The following SLC39A12 variants were observed in gnomAD, a reference collection of about 807,000 sequenced individuals.
The protein encoded by SLC39A12 is zinc transporter ZIP12.
A neutral mutation model predicts 71.1 loss-of-function variants in SLC39A12; 63 were observed. The observed-to-expected ratio is 0.89, with a 90% CI of 0.72 to 1.09. The LOEUF is 1.09. Ranked by LOEUF, SLC39A12 falls within the 50% of genes least tolerant of loss-of-function variation. The pLI, the probability that SLC39A12 is intolerant of heterozygous loss-of-function variation, is 0.00. For synonymous variants in SLC39A12, 351 were observed against 301.3 expected (o/e 1.16, Z -1.71); for missense variants, 892 against 812.6 (o/e 1.10, Z -1.19).
chr10:18,019,446 T>A (rs191020214), intron 12 of SLC39A12, among the ~76,000 whole-genome samples: 32 of 152,160 alleles, frequency 2.1e-4, no homozygotes, highest in African/African-American at 6.5e-4. Flanking sequence ...AATTTGCTCT[T>A]CTTTTTCTAG....
intron 6 of SLC39A12, among the ~76,000 whole-genome samples, chr10:17,986,540 C>A (rs1474791634): frequency 6.6e-6 from 1 of 152,166 alleles, no homozygotes; most frequent in Non-Finnish European, 1.5e-5. Context: ...TCCCATTCAA[C>A]AGGGGTGAAG....
At chr10:17,955,069 A>G (rs140116268) in intron 2 of SLC39A12, among the ~76,000 whole-genome samples, 2,010 of 152,330 alleles carry the variant, frequency 0.013, 18 homozygotes, top group Non-Finnish European at 0.019. Flanking sequence ...TCTCTTATTC[A>G]TGTCCTCTGA....
intron 4 of SLC39A12, among the ~76,000 whole-genome samples, chr10:17,968,889 C>T (rs1834898970): frequency 6.6e-6 from 1 of 152,008 alleles, no homozygotes; most frequent in Non-Finnish European, 1.5e-5. Flanking sequence ...AATAATAGGT[C>T]TTATTCTTTC....
chr10:18,040,633 G>A (rs1388056920), intron 12 of SLC39A12, among the ~76,000 whole-genome samples: 1 of 152,028 alleles, frequency 6.6e-6, no homozygotes, highest in East Asian at 1.9e-4. Context: ...GCCAAGCATG[G>A]TGGTGGATGC....
At chr10:18,025,659 G>C (rs542624637) in intron 12 of SLC39A12, among the ~76,000 whole-genome samples, 93 of 152,314 alleles carry the variant, frequency 6.1e-4, no homozygotes, top group African/African-American at 2.2e-3. Context: ...TTGGTTCCAA[G>C]TCTTTGCTCT....
intron 4 of SLC39A12, among the ~76,000 whole-genome samples, chr10:17,966,829 C>A (rs1489783303): frequency 1.3e-5 from 2 of 151,774 alleles, no homozygotes; most frequent in Admixed American, 1.3e-4. Context: ...AAAAAATTAG[C>A]CAGGCGTGGT....
intron 4 of SLC39A12, among the ~76,000 whole-genome samples, chr10:17,973,566 C>T (rs1180606306): frequency 2.0e-5 from 3 of 152,118 alleles, no homozygotes; most frequent in African/African-American, 2.4e-5. Context: ...GCCACTCTCT[C>T]GTGGCCTGTA....
chr10:17,969,479 C>T (rs1485890304), intron 4 of SLC39A12, among the ~76,000 whole-genome samples: 4 of 152,120 alleles, frequency 2.6e-5, no homozygotes, highest in East Asian at 1.9e-4. Context: ...GGCTATAACC[C>T]GTTTTAACAG....
In SLC39A12 at chr10:18,038,297, G is replaced by A. The variant is rs561004730; in HGVS notation, c.1948-4408G>A. ...ATAAAAGATGCATTCAATTCAATAG[G>A]TATTAAATCCTCCAAGCAAGCAGCA... On this transcript the variant is annotated intron_variant, in intron 12 of 12. Coordinates refer to ENST00000377369, the MANE Select transcript of SLC39A12 (RefSeq NM_001145195.2). Among the ~76,000 whole-genome samples, 3 of 152,118 alleles carry A rather than the reference G, an allele frequency of 2.0e-5. No homozygotes were observed. In the South Asian group the frequency reaches 6.2e-4, roughly 32 times the overall value.
intron 12 of SLC39A12, among the ~76,000 whole-genome samples, chr10:18,029,698 C>G (rs1326747947): frequency 2.6e-5 from 4 of 151,988 alleles, no homozygotes; most frequent in Non-Finnish European, 5.9e-5. Flanking sequence ...TAAAATTGCT[C>G]AATAACAGGA....
chr10:17,998,525 A>G (rs1835747732), intron 10 of SLC39A12, among the ~76,000 whole-genome samples: 1 of 152,150 alleles, frequency 6.6e-6, no homozygotes, highest in Non-Finnish European at 1.5e-5. Context: ...TTTCCAGGCA[A>G]TGTCAATAAG....
chr10:18,036,761 TATATATATATATATATATATA>T (rs1837040598), intron 12 of SLC39A12, among the ~76,000 whole-genome samples: 2 of 7,254 alleles, frequency 2.8e-4, no homozygotes, highest in African/African-American at 1.2e-3. Context: ...TATATATATA[TATATATATATATATATATATA>T]TATATATATA....
In SLC39A12 at chr10:18,042,977, A is replaced by T; in HGVS notation, c.*144A>T. 1.7e-6 allele frequency: 1 copy of T among 597,164 alleles called. No homozygotes were observed. Among genetic ancestry groups the T allele is most frequent in the Non-Finnish European group, 2.5e-6 (1 of 403,268 alleles). 37.0% of individuals were successfully genotyped at this position (597,164 alleles called of 1,614,324 possible). A position where few individuals can be genotyped will look rare whatever the true frequency, so the allele number is the denominator to read the frequency against. On this transcript the variant is annotated 3_prime_UTR_variant, in exon 13 of 13. Transcript: ENST00000377369. ...TTCAATTCATTAACTTATTAATTTT[A>T]TAATGCAGTTTTATTTTTGGAAACA... is the stretch of plus-strand genomic sequence containing the variant.
chr10:17,978,768 C>A (rs1022160405), intron 5 of SLC39A12, among the ~76,000 whole-genome samples: 1 of 152,182 alleles, frequency 6.6e-6, no homozygotes, highest in Non-Finnish European at 1.5e-5. Flanking sequence ...TCTGTTCCAA[C>A]GTGTGACTTT....
intron 4 of SLC39A12, among the ~76,000 whole-genome samples, chr10:17,972,717 A>G (rs12354874): frequency 0.073 from 11,063 of 151,398 alleles, 453 homozygotes; most frequent in South Asian, 0.1. Context: ...TTTTTAGTCT[A>G]TGTGTGTATT....
chr10:18,012,101 C>A (rs1487816431), intron 12 of SLC39A12, among the ~76,000 whole-genome samples: 4 of 152,078 alleles, frequency 2.6e-5, no homozygotes, highest in African/African-American at 9.7e-5. Context: ...GAACAAACCG[C>A]CTGATTTCAG....
chr10:17,998,971 A>G lies in SLC39A12; in HGVS notation c.1601-1696A>G, dbSNP rs139544171. On this transcript the variant is annotated intron_variant, in intron 10 of 12. Transcript: ENST00000377369. ...ATTAGAATTTTTATTGAGCACAATT[A>G]TTAGAATAATTAGAATTTTTATTGA... 3.9e-4 allele frequency among the ~76,000 whole-genome samples: 59 copies of G among 149,806 alleles called. 2 individuals are homozygous for G. In the South Asian group the frequency reaches 4.6e-3, roughly 12 times the overall value.
chr10:18,005,449 T>G (rs945343679), intron 12 of SLC39A12: 10 of 152,242 alleles, frequency 6.6e-5, no homozygotes, highest in Non-Finnish European at 2.9e-5. Flanking sequence ...GATTCACTCT[T>G]GAGCTTCCTA....
chr10:17,978,190 T>C, intron 5 of SLC39A12, 116 bp downstream of exon 5: 1 of 825,930 alleles, frequency 1.2e-6, no homozygotes, highest in Non-Finnish European at 1.8e-6. Context: ...TCTTGAAAAG[T>C]AAAAATATTC....
Sources: gnomAD v4.1 joint callset for allele counts (sites outside exome capture counted in the v4.1 genomes callset) on GRCh38, gnomAD v4.1.1 for gene constraint, MANE v1.5 for transcripts, NCBI Gene and HGNC (gene_info 2026-07-23, HGNC 2026-07-21) for gene names.